TENT4B: variants seen among roughly 807,000 people sequenced by gnomAD.
The protein encoded by TENT4B is terminal nucleotidyltransferase 4B, also known as PAP associated domain containing 5.
A neutral mutation model predicts 75.0 loss-of-function variants in TENT4B; 10 were observed. The ratio of observed to expected loss-of-function variants is 0.13; its 90% CI spans 0.08 to 0.23. The LOEUF (loss-of-function observed/expected upper bound fraction) is 0.23. Ranked by LOEUF, TENT4B falls within the 10% of genes least tolerant of loss-of-function variation. The pLI is 1.00. For missense variants in TENT4B, 579 were observed against 893.8 expected (o/e 0.65, Z 4.49); for synonymous variants, 350 against 357.7 (o/e 0.98, Z 0.24).
At chr16:50,166,139 G>A (rs1201189042) in intron 1 of TENT4B, among the ~76,000 whole-genome samples, 2 of 146,734 alleles carry the variant, frequency 1.4e-5, no homozygotes, top group Non-Finnish European at 3.0e-5. Context: ...CTGGAGTGCA[G>A]TAGCATGATC....
chr16:50,211,025 T>G (rs1317490052), intron 1 of TENT4B, among the ~76,000 whole-genome samples: 11 of 152,226 alleles, frequency 7.2e-5, no homozygotes, highest in Admixed American at 7.2e-4. Context: ...GTTCAGTATC[T>G]TGTGTCTATT....
intron 2 of TENT4B, among the ~76,000 whole-genome samples, chr16:50,211,956 C>T (rs2031301876): frequency 6.6e-6 from 1 of 152,194 alleles, no homozygotes; most frequent in Non-Finnish European, 1.5e-5. Context: ...TTTCATCTCT[C>T]TCAGACCAGC....
At chr16:50,192,544 T>C (rs2150710840) in intron 1 of TENT4B, among the ~76,000 whole-genome samples, 1 of 152,304 alleles carries the variant, frequency 6.6e-6, no homozygotes, top group African/African-American at 2.4e-5. Flanking sequence ...CCTATCAAGT[T>C]ACTGTTGAAT....
chr16:50,192,232 CAAAA>C (rs35218799), intron 1 of TENT4B, among the ~76,000 whole-genome samples: 2 of 129,526 alleles, frequency 1.5e-5, no homozygotes, highest in Non-Finnish European at 3.3e-5. Flanking sequence ...GACTCTGTCT[CAAAA>C]AAAAAAAAAA....
intron 1 of TENT4B, among the ~76,000 whole-genome samples, chr16:50,155,930 A>G (rs937283905): frequency 5.9e-5 from 9 of 152,232 alleles, no homozygotes; most frequent in African/African-American, 2.2e-4. Context: ...AGCAAAAGAT[A>G]TAAGTCCAAG....
chr16:50,222,468 C>A, intron 6 of TENT4B, 34 bp downstream of exon 6: 1 of 1,597,304 alleles, frequency 6.3e-7, no homozygotes. Context: ...CTAGTGCACA[C>A]TAAAAGCAAA....
Position 50,229,256 on chromosome 16 carries a change from C to T in TENT4B, c.2070C>T (p.Ser690=), listed in dbSNP as rs754599976. 5 of 1,613,908 alleles carry T rather than the reference C, an allele frequency of 3.1e-6. No homozygotes were observed. In the East Asian group the frequency reaches 1.1e-4, roughly 36 times the overall value. Residue 690 remains serine, a synonymous_variant, in exon 12 of 12, where the codon TCC becomes TCT. Coordinates refer to ENST00000561678, the MANE Select transcript of TENT4B (RefSeq NM_001365324.3). The part of the protein sequence containing the change: ...LMTNKQHQGK[S]NNQYYHGKKR... ...CAAACAAACAACATCAAGGCAAATCCAATAATCAGTATTACCATGGCAAAA... is the reference window on the plus strand; with the variant it reads ...CAAACAAACAACATCAAGGCAAATCTAATAATCAGTATTACCATGGCAAAA...
chr16:50,234,827 T>C lies in TENT4B; in HGVS notation c.*5499T>C. 1.0e-6 allele frequency: 1 copy of C among 985,680 alleles called. No homozygotes were observed. Among genetic ancestry groups the C allele is most frequent in the South Asian group, 4.7e-5 (1 of 21,286 alleles). The allele number at this position is 985,680 out of a possible 1,614,324, so 61.1% of individuals were successfully genotyped here. ...GTGTGAAGGACTGTTGAGTTAAACA[T>C]TTTTAGTGGAATATACATAGATAAC... is the stretch of plus-strand genomic sequence containing the variant. On this transcript the variant is annotated 3_prime_UTR_variant, in exon 12 of 12. Transcript: ENST00000561678.
At chr16:50,203,157 G>A (rs573728139) in intron 1 of TENT4B, among the ~76,000 whole-genome samples, 3 of 152,316 alleles carry the variant, frequency 2.0e-5, no homozygotes, top group East Asian at 1.9e-4. Flanking sequence ...AATGCCTGCA[G>A]CATTCATAAA....
At chr16:50,171,261 T>C (rs993815568) in intron 1 of TENT4B, among the ~76,000 whole-genome samples, 2 of 151,972 alleles carry the variant, frequency 1.3e-5, no homozygotes, top group African/African-American at 4.8e-5. Context: ...AATAGCCAGG[T>C]GTGGTGGCAT....
At chr16:50,158,452 C>T (rs4785390) in intron 1 of TENT4B, among the ~76,000 whole-genome samples, 152,330 of 152,336 alleles carry the variant, frequency 1, 76,162 homozygotes, top group Non-Finnish European at 1. Flanking sequence ...CAGAACTGGC[C>T]ATGGTTTAGG....
At chr16:50,200,683 T>G (rs1270448142) in intron 1 of TENT4B, among the ~76,000 whole-genome samples, 1 of 152,192 alleles carries the variant, frequency 6.6e-6, no homozygotes, top group African/African-American at 2.4e-5. Context: ...TAGTGAGGCC[T>G]TTGTTTAGGT....
intron 1 of TENT4B, among the ~76,000 whole-genome samples, chr16:50,165,567 C>G (rs1370566331): frequency 1.3e-5 from 2 of 152,056 alleles, no homozygotes; most frequent in Non-Finnish European, 2.9e-5. Context: ...AACTCTGAAC[C>G]CATTATCACT....
chr16:50,180,923 A>G (rs2038403307), intron 1 of TENT4B, among the ~76,000 whole-genome samples: 1 of 152,172 alleles, frequency 6.6e-6, no homozygotes, highest in South Asian at 2.1e-4. Flanking sequence ...AAAATAGAAT[A>G]GTTTTGCTTC....
At chr16:50,209,975 A>T (rs2031192575) in intron 1 of TENT4B, among the ~76,000 whole-genome samples, 1 of 151,998 alleles carries the variant, frequency 6.6e-6, no homozygotes, top group South Asian at 2.1e-4. Flanking sequence ...TGAAGTTGCC[A>T]TGCAGTTGCA....
At chr16:50,188,849 G>A (rs2038585614) in intron 1 of TENT4B, among the ~76,000 whole-genome samples, 1 of 152,172 alleles carries the variant, frequency 6.6e-6, no homozygotes, top group Admixed American at 6.5e-5. Flanking sequence ...GGGCAACATA[G>A]CAAGACCCTG....
intron 3 of TENT4B, among the ~76,000 whole-genome samples, chr16:50,215,312 G>A (rs946494015): frequency 6.6e-6 from 1 of 152,114 alleles, no homozygotes; most frequent in Admixed American, 6.5e-5. Flanking sequence ...CCAACTTAAA[G>A]TGTGCTGAAG....
At chr16:50,170,892 C>T (rs149321016) in intron 1 of TENT4B, among the ~76,000 whole-genome samples, 24 of 152,020 alleles carry the variant, frequency 1.6e-4, no homozygotes, top group African/African-American at 5.8e-4. Context: ...GTCTCAAACT[C>T]CTGACCTCAG....
chr16:50,195,321 T>G (rs1378514747), intron 1 of TENT4B, among the ~76,000 whole-genome samples: 1 of 152,230 alleles, frequency 6.6e-6, no homozygotes, highest in Non-Finnish European at 1.5e-5. Flanking sequence ...AAGGCACTCT[T>G]ATCTCATCAT....
Sources: allele counts gnomAD v4.1 joint callset (sites outside exome capture counted in the v4.1 genomes callset), GRCh38; gene constraint gnomAD v4.1.1; transcripts MANE v1.5; gene names NCBI Gene and HGNC (gene_info 2026-07-23, HGNC 2026-07-21).